Variants in CNBD1 observed in about 807,000 individuals in gnomAD.
CNBD1 encodes cyclic nucleotide binding domain containing 1.
CNBD1 carries 71 observed loss-of-function variants against 54.4 expected under a neutral mutation model. The ratio of observed to expected loss-of-function variants is 1.30; its 90% CI spans 1.08 to 1.59. CNBD1 has a LOEUF of 1.59. CNBD1 is among the 40% of genes most tolerant of loss of function. CNBD1 has a pLI of 0.00. For synonymous variants in CNBD1, 182 were observed against 170.7 expected, an observed-to-expected ratio of 1.07 and a Z score of -0.51; for missense variants, 659 against 518.0, an observed-to-expected ratio of 1.27 and a Z score of -2.64.
chr8:87,237,356 G>A lies in CNBD1; in HGVS notation c.771+244G>A, dbSNP rs943877716. On this transcript the variant is annotated intron_variant, in intron 6 of 10. Transcript: ENST00000518476. ...TGTGGTGTATTTGGTAACAGACAAG[G>A]TTGATGTGGCTGGATCCCTGAAAGA... is the stretch of plus-strand genomic sequence containing the variant. 1.3e-5 allele frequency: 4 copies of A among 310,536 alleles called. No homozygotes were observed. In the Admixed American group the frequency reaches 1.5e-4, roughly 11 times the overall value. 19.2% of individuals were successfully genotyped at this position (310,536 alleles called of 1,614,324 possible). A position where few individuals can be genotyped will look rare whatever the true frequency, so the allele number is the denominator to read the frequency against.
intron 2 of CNBD1, among the ~76,000 whole-genome samples, chr8:87,401,279 G>A (rs1563587938): frequency 6.6e-6 from 1 of 151,874 alleles, no homozygotes; most frequent in South Asian, 2.1e-4. Context: ...AATTCCTAAG[G>A]CCATCCCCAA....
chr8:86,964,615 C>T (rs1423689058), intron 4 of CNBD1, among the ~76,000 whole-genome samples: 1 of 152,158 alleles, frequency 6.6e-6, no homozygotes. Flanking sequence ...AAAAGGGGAC[C>T]CGAATCTAAA....
chr8:87,301,567 A>G (rs1053621180), intron 8 of CNBD1, among the ~76,000 whole-genome samples: 12 of 152,120 alleles, frequency 7.9e-5, no homozygotes, highest in Admixed American at 1.3e-4. Flanking sequence ...AATGTAATAC[A>G]CCATATAAAC....
chr8:87,143,816 A>C (rs1312738240), intron 4 of CNBD1, among the ~76,000 whole-genome samples: 1 of 152,176 alleles, frequency 6.6e-6, no homozygotes. Context: ...TGTTACATGG[A>C]GAATAAAATC....
intron 8 of CNBD1, among the ~76,000 whole-genome samples, chr8:87,347,536 G>T (rs1810198870): frequency 6.6e-6 from 1 of 151,950 alleles, no homozygotes; most frequent in Non-Finnish European, 1.5e-5. Flanking sequence ...TAACTTAGAT[G>T]GCAACACACA....
intron 2 of CNBD1, among the ~76,000 whole-genome samples, chr8:87,404,148 A>G (rs1324606344): frequency 1.3e-5 from 2 of 152,014 alleles, no homozygotes; most frequent in Non-Finnish European, 2.9e-5. Context: ...AGAAACTCAG[A>G]TGGAAGTTTT....
intron 8 of CNBD1, among the ~76,000 whole-genome samples, chr8:87,290,237 C>A (rs886714603): frequency 6.6e-6 from 1 of 151,622 alleles, no homozygotes; most frequent in East Asian, 1.9e-4. Context: ...AGTTATGTCT[C>A]AAAAACAAAG....
At chr8:87,079,290 G>C (rs1462845830) in intron 4 of CNBD1, among the ~76,000 whole-genome samples, 1 of 152,020 alleles carries the variant, frequency 6.6e-6, no homozygotes, top group Admixed American at 6.5e-5. Context: ...AGTGAATAAA[G>C]GTGTTATGAA....
intron 6 of CNBD1, among the ~76,000 whole-genome samples, chr8:87,276,877 G>A (rs1205697871): frequency 6.6e-6 from 1 of 151,740 alleles, no homozygotes; most frequent in Non-Finnish European, 1.5e-5. Context: ...ACCTTAGAAT[G>A]CCAGAGCACC....
intron 10 of CNBD1, among the ~76,000 whole-genome samples, chr8:87,361,689 A>AATATATATATAT (rs71277937): frequency 0.024 from 3,386 of 143,358 alleles, 58 homozygotes; most frequent in Non-Finnish European, 0.033. Flanking sequence ...TAGTTGGATG[A>AATATATATATAT]ATATATATAT....
chr8:87,340,605 T>C (rs557010809), intron 8 of CNBD1, among the ~76,000 whole-genome samples: 28 of 152,088 alleles, frequency 1.8e-4, no homozygotes, highest in African/African-American at 6.5e-4. Context: ...TTTTCTGTTG[T>C]TGTTTTTTTT....
At chr8:87,061,350 A>T (rs899081363) in intron 4 of CNBD1, among the ~76,000 whole-genome samples, 7 of 152,194 alleles carry the variant, frequency 4.6e-5, no homozygotes, top group Non-Finnish European at 8.8e-5. Flanking sequence ...CCTGAAGTGC[A>T]TTAACAGCAG....
rs544459284 is a variant in CNBD1, at chr8:87,159,272, T to C, written c.432-46721T>C. On this transcript the variant is annotated intron_variant, in intron 4 of 10. Transcript: ENST00000518476. Reference sequence around the variant, plus strand: ...CACCAGTGGCCTTTCTTGATTTAAATGAAGCAGAGAAACATTGTTTTAGTT... The same window carrying C: ...CACCAGTGGCCTTTCTTGATTTAAACGAAGCAGAGAAACATTGTTTTAGTT... 1.2e-3 allele frequency among the ~76,000 whole-genome samples: 189 copies of C among 152,246 alleles called. 1 individual carries two copies. The highest frequency in any genetic ancestry group is 4.1e-3 in the Admixed American group (62 of 15,284).
At chr8:87,389,905 G>A (rs1342650492) in intron 2 of CNBD1, among the ~76,000 whole-genome samples, 1 of 152,228 alleles carries the variant, frequency 6.6e-6, no homozygotes, top group South Asian at 2.1e-4. Flanking sequence ...CAGAGATATA[G>A]ACCAATGGAA....
At chr8:87,237,139 A>G (rs1361628874) in intron 6 of CNBD1, 27 bp downstream of exon 6, 1 of 1,458,240 alleles carries the variant, frequency 6.9e-7, no homozygotes, top group South Asian at 1.3e-5. Context: ...TGCTTTTTCC[A>G]CAAGCAACAA....
intron 5 of CNBD1, among the ~76,000 whole-genome samples, chr8:87,232,732 A>C (rs1186989216): frequency 6.6e-6 from 1 of 152,142 alleles, no homozygotes; most frequent in African/African-American, 2.4e-5. Flanking sequence ...TTAAAATGCA[A>C]ATATACTGTA....
rs1487900097 is a variant in CNBD1 at position 86,944,496 on chromosome 8, GGAGA to G, written c.431+4749_431+4752del. On this transcript the variant is annotated intron_variant, in intron 4 of 10. Transcript: ENST00000518476. ...CAGATTTTATGAAACAGGAGAAAGA[GGAGA>G]GAGAGACAATTAAATACCTTGAAGA... Among the ~76,000 whole-genome samples the G allele has an allele frequency of 5.3e-5, 8 of 152,294 alleles. No homozygotes were observed. The East Asian group carries it at 1.4e-3, about 26-fold the overall frequency.
chr8:87,142,195 T>A (rs890981645), intron 4 of CNBD1, among the ~76,000 whole-genome samples: 3 of 152,046 alleles, frequency 2.0e-5, no homozygotes, highest in African/African-American at 7.2e-5. Flanking sequence ...TTGGGAGAGG[T>A]GTGAAAATTT....
At chr8:87,052,532 T>C (rs1810332452) in intron 4 of CNBD1, among the ~76,000 whole-genome samples, 1 of 152,194 alleles carries the variant, frequency 6.6e-6, no homozygotes, top group Admixed American at 6.5e-5. Flanking sequence ...ATAGGATCAC[T>C]GGGGTTCCAA....
Sources: allele counts gnomAD v4.1 joint callset (sites outside exome capture counted in the v4.1 genomes callset), GRCh38; gene constraint gnomAD v4.1.1; transcripts MANE v1.5; gene names NCBI Gene and HGNC (gene_info 2026-07-23, HGNC 2026-07-21).